MLC1: variants seen among roughly 807,000 people sequenced by gnomAD.
The protein encoded by MLC1 is modulator of VRAC current 1.
A neutral mutation model predicts 44.7 loss-of-function variants in MLC1; 32 were observed. That is an observed-to-expected ratio of 0.72 (90% CI 0.54 to 0.96). MLC1 has a LOEUF of 0.96. Ranked by LOEUF, MLC1 falls within the 40% of genes least tolerant of loss-of-function variation. The pLI is 0.00. For synonymous variants in MLC1, 190 were observed against 213.0 expected (o/e 0.89, Z 0.94); for missense variants, 459 against 492.2 (o/e 0.93, Z 0.64).
Position 50,064,086 on chromosome 22 carries a change from T to C in MLC1, c.1007A>G (p.Gln336Arg), listed in dbSNP as rs773419496. The stretch of plus-strand genomic sequence containing the variant: ...GTTCTGGGTGTCCCAGGATGCACCC[T>C]GCAGCCTTGCACTGACCTTGAAGCG... ...CVRFKVSARL[Q>R]GASWDTQNGP... The change falls in exon 11 of 12, where the codon CAG (glutamine) becomes CGG (arginine). Residue 336 changes from glutamine to arginine, a missense_variant. Gln to Arg is a conservative substitution (Grantham distance 43). Coordinates refer to ENST00000311597, the MANE Select transcript of MLC1 (RefSeq NM_015166.4). 1 of 1,608,560 alleles carries C rather than the reference T, an allele frequency of 6.2e-7. No individual in the cohort carries two copies.
chr22:50,081,009 A>AAAAGGAAGAAAGAAAGAAAGAAAG (rs1555967990), intron 3 of MLC1, among the ~76,000 whole-genome samples: 25 of 96,820 alleles, frequency 2.6e-4, no homozygotes, highest in Non-Finnish European at 3.6e-4. Flanking sequence ...TTGTCTCAAA[A>AAAAGGAAGAAAGAAAGAAAGAAAG]AAAGAAAGAA....
intron 10 of MLC1, among the ~76,000 whole-genome samples, chr22:50,065,798 C>G (rs918157158): frequency 6.6e-6 from 1 of 152,236 alleles, no homozygotes; most frequent in African/African-American, 2.4e-5. Flanking sequence ...CTGCACCTAC[C>G]CTCTACCCAG....
chr22:50,078,738 A>G (rs2093988367), intron 5 of MLC1, among the ~76,000 whole-genome samples: 1 of 142,908 alleles, frequency 7.0e-6, no homozygotes, highest in Non-Finnish European at 1.5e-5. Flanking sequence ...GACTGTCTCA[A>G]AAAAAAAAAA....
intron 7 of MLC1, among the ~76,000 whole-genome samples, chr22:50,075,894 G>A (rs976751649): frequency 6.6e-6 from 1 of 152,126 alleles, no homozygotes; most frequent in Non-Finnish European, 1.5e-5. Flanking sequence ...AGACAACAAG[G>A]CCAAGGCGGA....
At position 50,067,207 on chromosome 22, in the gene MLC1, G is replaced by A. The variant is rs76845415; in HGVS notation, c.894+1226C>T. On this transcript the variant is annotated intron_variant, in intron 10 of 11. Transcript: ENST00000311597. ...AGAAGTGAAGAAAAAACCCTGGGCC[G>A]GGTGTTGTAGCTCACTCCTGTAATC... 2.4e-3 allele frequency among the ~76,000 whole-genome samples: 371 copies of A among 151,966 alleles called. 1 individual carries two copies. The highest frequency in any genetic ancestry group is 8.7e-3 in the African/African-American group (360 of 41,490).
chr22:50,061,631 G>A lies in MLC1; in HGVS notation c.1086C>T (p.Phe362=), dbSNP rs751390945. ...CGGCTCTCCAGGCTTTCTCCTTGTC[G>A]AACTCCTTCAGGGGGCTCCTGGCCA... ...GEVARSPLKE[F]DKEKAWRAVV... is the part of the protein sequence containing the mutation. Residue 362 remains phenylalanine, a synonymous_variant, in exon 12 of 12, where the codon TTC becomes TTT. Coordinates refer to ENST00000311597, the MANE Select transcript of MLC1 (RefSeq NM_015166.4). 3.7e-5 allele frequency: 59 copies of A among 1,613,610 alleles called. 1 individual carries two copies. In the Middle Eastern group the frequency reaches 6.4e-3, roughly 175 times the overall value.
At chr22:50,068,610 A>G in intron 9 of MLC1, 55 bp from the exon 10 acceptor site, 3 of 1,172,046 alleles carry the variant, frequency 2.6e-6, no homozygotes, top group Non-Finnish European at 3.6e-6. Context: ...AGCCCAGGAC[A>G]GCGGGCGTGG....
At chr22:50,074,493 G>T in intron 7 of MLC1, 161 bp from the exon 8 acceptor site, 1 of 687,052 alleles carries the variant, frequency 1.5e-6, no homozygotes, top group Non-Finnish European at 2.6e-6. Flanking sequence ...AGCCTCACCT[G>T]GCCCAGACCC....
intron 9 of MLC1, among the ~76,000 whole-genome samples, chr22:50,070,008 C>G (rs2061810183): frequency 6.6e-6 from 1 of 152,112 alleles, no homozygotes; most frequent in South Asian, 2.1e-4. Context: ...TCGAGACCAG[C>G]CTGGCCAACA....
chr22:50,068,667 C>T (rs1415636427), intron 9 of MLC1, 112 bp from the exon 10 acceptor site: 38 of 1,265,682 alleles, frequency 3.0e-5, no homozygotes, highest in Non-Finnish European at 4.6e-6. Context: ...GGGCATAGTC[C>T]CAAGCTGGTT....
At chr22:50,079,294 CA>C (rs965979660) in intron 5 of MLC1, among the ~76,000 whole-genome samples, 8 of 151,518 alleles carry the variant, frequency 5.3e-5, no homozygotes, top group African/African-American at 1.9e-4. Flanking sequence ...AAAAACAAAA[CA>C]AAACAAAACA....
Position 50,084,928 on chromosome 22 carries a change from C to T in MLC1, c.-26G>A. 6.2e-7 allele frequency: 1 copy of T among 1,608,334 alleles called. No individual in the cohort carries two copies. ...GGCACTTGGGGACACCACAGCTGTG[C>T]TGAATGTACAGCCACGTGTCACCAG... On this transcript the variant is annotated 5_prime_UTR_variant, in exon 2 of 12. Transcript: ENST00000311597.
chr22:50,075,646 G>T (rs1195075498), intron 7 of MLC1, among the ~76,000 whole-genome samples: 1 of 150,488 alleles, frequency 6.6e-6, no homozygotes, highest in Non-Finnish European at 1.5e-5. Context: ...GGAGGCAGAG[G>T]TTGCAGTGAA....
At chr22:50,075,637 G>A (rs2061960621) in intron 7 of MLC1, among the ~76,000 whole-genome samples, 1 of 151,834 alleles carries the variant, frequency 6.6e-6, no homozygotes, top group Admixed American at 6.6e-5. Flanking sequence ...TTCAACTCAG[G>A]AGGCAGAGGT....
intron 8 of MLC1, among the ~76,000 whole-genome samples, chr22:50,073,756 T>A (rs1331766964): frequency 6.6e-6 from 1 of 151,934 alleles, no homozygotes; most frequent in Non-Finnish European, 1.5e-5. Flanking sequence ...ATAAATAAAA[T>A]AAATAAAACA....
chr22:50,064,024 G>T lies in MLC1; in HGVS notation c.1059+10C>A. Reference sequence around the variant, plus strand: ...CTCCCCAGTGCCCCCTCCCCCTGCAGGCCACTCACCTCCCCAGCCAGGCGC... The same window carrying T: ...CTCCCCAGTGCCCCCTCCCCCTGCATGCCACTCACCTCCCCAGCCAGGCGC... On this transcript the variant is annotated intron_variant, in intron 11 of 11. Coordinates refer to ENST00000311597, the MANE Select transcript of MLC1 (RefSeq NM_015166.4). 6.3e-7 allele frequency: 1 copy of T among 1,592,694 alleles called. No individual in the cohort carries two copies. The highest frequency in any genetic ancestry group is 1.1e-5 in the South Asian group (1 of 89,774).
At chr22:50,071,528 G>A (rs1345731680) in intron 8 of MLC1, among the ~76,000 whole-genome samples, 6 of 152,162 alleles carry the variant, frequency 3.9e-5, no homozygotes, top group Non-Finnish European at 5.9e-5. Flanking sequence ...TTACCTGGTC[G>A]CTTCTGGGGG....
intron 8 of MLC1, among the ~76,000 whole-genome samples, 168 bp from the exon 9 acceptor site, chr22:50,070,751 G>A (rs944916563): frequency 2.0e-5 from 3 of 152,236 alleles, no homozygotes; most frequent in Admixed American, 6.5e-5. Context: ...GGCAGGGACG[G>A]GTCCGCAGGG....
chr22:50,079,958 C>A lies in MLC1; in HGVS notation c.383G>T (p.Trp128Leu). 1 of 1,614,108 alleles carries A rather than the reference C, an allele frequency of 6.2e-7. No homozygotes were observed. Among genetic ancestry groups the A allele is most frequent in the Non-Finnish European group, 8.5e-7 (1 of 1,179,982 alleles). ...GTTCAGGACTAGTTTGCATCCAAAC[C>A]AAATTAAACACGTAGTGGTCACAGC... ...TFAVTTTCLI[W>L]FGCKLVLNPS... is the part of the protein sequence containing the mutation. Residue 128 changes from tryptophan to leucine, a missense_variant, in exon 5 of 12, where the codon TGG (tryptophan) becomes TTG (leucine). Physicochemically the swap from Trp to Leu is moderately conservative, Grantham distance 61. Coordinates refer to ENST00000311597, the MANE Select transcript of MLC1 (RefSeq NM_015166.4).
Sources: allele counts gnomAD v4.1 joint callset (sites outside exome capture counted in the v4.1 genomes callset), GRCh38; gene constraint gnomAD v4.1.1; transcripts MANE v1.5; gene names NCBI Gene and HGNC (gene_info 2026-07-23, HGNC 2026-07-21).